Variants in ATRNL1 observed in about 807,000 individuals in gnomAD.
The protein encoded by ATRNL1 is attractin-like protein 1.
ATRNL1 carries 95 observed loss-of-function variants against 182.7 expected under a neutral mutation model. The observed-to-expected ratio is 0.52, with a 90% CI of 0.44 to 0.62. ATRNL1 has a LOEUF of 0.62. ATRNL1 is among the 20% of genes least tolerant of loss of function. ATRNL1 has a pLI of 0.00. For synonymous variants in ATRNL1, 576 were observed against 568.3 expected (o/e 1.01, Z -0.19); for missense variants, 1,471 against 1,679.5 (o/e 0.88, Z 2.17).
At chr10:115,420,391 C>T (rs1478731731) in intron 20 of ATRNL1, among the ~76,000 whole-genome samples, 1 of 151,844 alleles carries the variant, frequency 6.6e-6, no homozygotes, top group East Asian at 1.9e-4. Flanking sequence ...TTTTTCTGAC[C>T]ACTGTGGAAT....
At chr10:115,396,017 C>G (rs543741608) in intron 20 of ATRNL1, among the ~76,000 whole-genome samples, 2 of 151,498 alleles carry the variant, frequency 1.3e-5, no homozygotes, top group Middle Eastern at 3.4e-3. Flanking sequence ...AAATTTATAC[C>G]TAAAGTCTAT....
At chr10:115,159,431 C>CT (rs1554882744) in intron 5 of ATRNL1, among the ~76,000 whole-genome samples, 1 of 151,256 alleles carries the variant, frequency 6.6e-6, no homozygotes. Context: ...TTATTCTGCA[C>CT]TAATTTAATA....
At chr10:115,383,683 T>C (rs1858165009) in intron 19 of ATRNL1, among the ~76,000 whole-genome samples, 1 of 152,066 alleles carries the variant, frequency 6.6e-6, no homozygotes, top group Admixed American at 6.6e-5. Flanking sequence ...AATATACAAA[T>C]ATTCAGAAAT....
At chr10:115,127,792 T>A (rs1343540332) in intron 4 of ATRNL1, 71 bp downstream of exon 4, 31 of 1,111,350 alleles carry the variant, frequency 2.8e-5, no homozygotes, top group Non-Finnish European at 3.6e-5. Flanking sequence ...TTTTTTTGTT[T>A]ATTTTTATTA....
intron 28 of ATRNL1, among the ~76,000 whole-genome samples, chr10:115,935,505 A>C (rs1195805976): frequency 1.3e-5 from 2 of 152,088 alleles, no homozygotes; most frequent in African/African-American, 4.8e-5. Context: ...AGACATTTGC[A>C]CCAAAGTAGC....
chr10:115,223,927 A>ATTTTTTTTTTTT, intron 9 of ATRNL1, among the ~76,000 whole-genome samples: 5 of 38,166 alleles, frequency 1.3e-4, no homozygotes, highest in Non-Finnish European at 2.7e-4. Flanking sequence ...ATATATATAT[A>ATTTTTTTTTTTT]TATTTTTTTT....
At chr10:115,417,001 AG>A (rs1458969499) in intron 20 of ATRNL1, among the ~76,000 whole-genome samples, 1 of 152,222 alleles carries the variant, frequency 6.6e-6, no homozygotes, top group African/African-American at 2.4e-5. Flanking sequence ...AGTCACTGGC[AG>A]GAGCCTCAGG....
At chr10:115,446,393 T>G (rs1846989600) in intron 21 of ATRNL1, among the ~76,000 whole-genome samples, 1 of 152,088 alleles carries the variant, frequency 6.6e-6, no homozygotes, top group Non-Finnish European at 1.5e-5. Context: ...TGTAATTTAT[T>G]TAGCTCTCTT....
intron 5 of ATRNL1, among the ~76,000 whole-genome samples, chr10:115,135,726 G>T (rs1554876473): frequency 6.6e-6 from 1 of 152,186 alleles, no homozygotes. Flanking sequence ...GCATTGCCAA[G>T]TCAATCCTAA....
At chr10:115,476,014 G>A (rs557302864) in intron 24 of ATRNL1, among the ~76,000 whole-genome samples, 2 of 151,070 alleles carry the variant, frequency 1.3e-5, no homozygotes, top group Admixed American at 6.6e-5. Context: ...AGTTTAAATC[G>A]TTGATTTTAG....
intron 1 of ATRNL1, among the ~76,000 whole-genome samples, chr10:115,119,475 A>G (rs1230675272): frequency 1.3e-5 from 2 of 152,034 alleles, no homozygotes; most frequent in Non-Finnish European, 2.9e-5. Context: ...TGGTCTCTTG[A>G]TAAAATAATT....
chr10:115,861,392 T>C (rs1951313264), intron 28 of ATRNL1, among the ~76,000 whole-genome samples: 1 of 152,168 alleles, frequency 6.6e-6, no homozygotes, highest in Non-Finnish European at 1.5e-5. Context: ...TTTCCCCCAC[T>C]TTTCTTACCT....
intron 19 of ATRNL1, 104 bp from the exon 20 acceptor site, chr10:115,394,555 G>C (rs374614512): frequency 9.6e-6 from 8 of 835,220 alleles, no homozygotes; most frequent in East Asian, 5.4e-5. Context: ...GATGGCAAGA[G>C]GAAGTTACAG....
intron 27 of ATRNL1, among the ~76,000 whole-genome samples, chr10:115,830,742 G>A (rs1326162848): frequency 6.6e-6 from 1 of 152,130 alleles, no homozygotes; most frequent in Non-Finnish European, 1.5e-5. Context: ...TCACAATCGA[G>A]CTTTTCCTCT....
At chr10:115,319,342 A>T (rs1346574303) in intron 18 of ATRNL1, among the ~76,000 whole-genome samples, 2 of 152,180 alleles carry the variant, frequency 1.3e-5, no homozygotes, top group East Asian at 3.9e-4. Context: ...GCCATGTGGC[A>T]CTGAGAATAA....
intron 26 of ATRNL1, among the ~76,000 whole-genome samples, chr10:115,600,045 G>A (rs1555015416): frequency 2.0e-5 from 3 of 151,950 alleles, no homozygotes; most frequent in Non-Finnish European, 1.5e-5. Flanking sequence ...ATTTTATTTT[G>A]TCTTTCCCAG....
intron 26 of ATRNL1, among the ~76,000 whole-genome samples, chr10:115,581,086 C>T (rs1401827163): frequency 3.3e-5 from 5 of 151,970 alleles, no homozygotes; most frequent in Non-Finnish European, 7.4e-5. Flanking sequence ...TCTTTGTTTC[C>T]TGACTTTTAT....
chr10:115,419,139 A>G (rs1345685510), intron 20 of ATRNL1, among the ~76,000 whole-genome samples: 2 of 152,200 alleles, frequency 1.3e-5, no homozygotes, highest in Non-Finnish European at 2.9e-5. Flanking sequence ...ATATGGAAGG[A>G]TAATGAGTTA....
At chr10:115,520,302 G>T (rs1478939517) in intron 25 of ATRNL1, among the ~76,000 whole-genome samples, 1 of 152,124 alleles carries the variant, frequency 6.6e-6, no homozygotes, top group African/African-American at 2.4e-5. Flanking sequence ...TGATTGTCTT[G>T]TCCAGATATC....
Sources: gnomAD v4.1 joint callset for allele counts (sites outside exome capture counted in the v4.1 genomes callset) on GRCh38, gnomAD v4.1.1 for gene constraint, MANE v1.5 for transcripts, NCBI Gene and HGNC (gene_info 2026-07-23, HGNC 2026-07-21) for gene names.